Variants in NBPF15 observed in about 807,000 individuals in gnomAD.
NBPF15 encodes the protein NBPF member 15, also known as NBPF family member NBPF15.
A neutral mutation model predicts 62.2 loss-of-function variants in NBPF15; 74 were observed. The ratio of observed to expected loss-of-function variants is 1.19; its 90% confidence interval spans 0.99 to 1.44. The LOEUF is 1.44. NBPF15 is among the 40% of genes most tolerant of loss of function. The pLI is 0.00. For missense variants in NBPF15, 790 were observed against 550.0 expected, an observed-to-expected ratio of 1.44 and a Z score of -4.36; for synonymous variants, 244 against 209.7, an observed-to-expected ratio of 1.16 and a Z score of -1.41.
intron 6 of NBPF15, among the ~76,000 whole-genome samples, chr1:144,443,175 T>C (rs1201333824): frequency 5.3e-5 from 8 of 151,822 alleles, no homozygotes; most frequent in African/African-American, 1.7e-4. Flanking sequence ...CCCCCACCCA[T>C]ACCCCTCCTG....
intron 17 of NBPF15, 58 bp from the exon 18 acceptor site, chr1:144,426,508 C>A (rs1213600765): frequency 2.7e-5 from 21 of 783,490 alleles, no homozygotes; most frequent in Non-Finnish European, 4.0e-5. Flanking sequence ...CCACACAGCC[C>A]CAGCTAGATT....
Position 144,456,985 on chromosome 1 carries a change from C to T in NBPF15, c.-700-180G>A, listed in dbSNP as rs1363986033. 4.0e-5 allele frequency among the ~76,000 whole-genome samples: 6 copies of T among 150,346 alleles called. No individual in the cohort carries two copies. The South Asian group carries it at 6.4e-4, about 16-fold the overall frequency. On this transcript the variant is annotated intron_variant, in intron 3 of 21. Transcript: ENST00000581897. Reference sequence around the variant, plus strand: ...TGTAATCAACAGTCCTCACCAGCCTCGGCAACATAGTAAGACCCCATCTCT... The same window carrying T: ...TGTAATCAACAGTCCTCACCAGCCTTGGCAACATAGTAAGACCCCATCTCT...
At chr1:144,440,660 T>A (rs1223480335) in intron 6 of NBPF15, 2 of 157,834 alleles carry the variant, frequency 1.3e-5, no homozygotes, top group Non-Finnish European at 2.7e-5. Context: ...TTTTTTTTTT[T>A]TTTTTTGTTT....
intron 3 of NBPF15, among the ~76,000 whole-genome samples, chr1:144,457,423 A>G (rs1648840768): frequency 6.6e-6 from 1 of 151,968 alleles, no homozygotes; most frequent in Non-Finnish European, 1.5e-5. Flanking sequence ...AGCAACACAT[A>G]CAAAGGTTTA....
At chr1:144,432,489 C>T (rs1405414124) in intron 13 of NBPF15, among the ~76,000 whole-genome samples, 1 of 151,756 alleles carries the variant, frequency 6.6e-6, no homozygotes, top group Non-Finnish European at 1.5e-5. Flanking sequence ...GGGCTAAATG[C>T]CCCAGTTAAA....
At position 144,422,773 on chromosome 1, in the gene NBPF15, G is replaced by C. The variant is rs1666609318; in HGVS notation, c.*240C>G. 6.3e-6 allele frequency: 6 copies of C among 954,504 alleles called. No homozygotes were observed. The highest frequency in any genetic ancestry group is 2.6e-5 in the East Asian group (1 of 39,098). 59.1% of individuals were successfully genotyped at this position (954,504 alleles called of 1,614,324 possible). On this transcript the variant is annotated 3_prime_UTR_variant, in exon 22 of 22. Coordinates refer to ENST00000581897, the MANE Select transcript of NBPF15 (RefSeq NM_001385408.1). ...ATACGTGGTTCAAATTAAAATGTCT[G>C]ACTGATCACTCCCGGCATGTTCTGC...
chr1:144,424,364 A>T (rs1401789291), intron 20 of NBPF15, among the ~76,000 whole-genome samples: 1 of 151,640 alleles, frequency 6.6e-6, no homozygotes, highest in Non-Finnish European at 1.5e-5. Flanking sequence ...AGACACTGAA[A>T]TTAGAGTGAA....
chr1:144,422,873 T>C lies in NBPF15; in HGVS notation c.*140A>G. On this transcript the variant is annotated 3_prime_UTR_variant, in exon 22 of 22. Transcript: ENST00000581897. ...TGAGCACAGGTTGCCAATGGCATGG[T>C]TTGAGAATAGGAATAGAGCCATGCT... 6.3e-7 allele frequency: 1 copy of C among 1,584,194 alleles called. No individual in the cohort carries two copies. Among genetic ancestry groups the C allele is most frequent in the East Asian group, 2.2e-5 (1 of 44,720 alleles).
At chr1:144,436,194 C>G (rs1240745281) in intron 10 of NBPF15, among the ~76,000 whole-genome samples, 2 of 152,086 alleles carry the variant, frequency 1.3e-5, no homozygotes, top group Admixed American at 6.6e-5. Flanking sequence ...TGTCCCGTCA[C>G]AGTTTGCATT....
At chr1:144,450,556 ACT>A (rs1690432421) in intron 5 of NBPF15, among the ~76,000 whole-genome samples, 2 of 150,072 alleles carry the variant, frequency 1.3e-5, no homozygotes, top group South Asian at 4.2e-4. Context: ...GCCTCACATG[ACT>A]CTGATCAGAG....
Position 144,437,938 on chromosome 1 carries a change from C to A in NBPF15, c.278+7G>T, listed in dbSNP as rs1679842156. 1 of 1,611,664 alleles carries A rather than the reference C, an allele frequency of 6.2e-7. No homozygotes were observed. On this transcript the variant is annotated splice_region_variant and intron_variant, in intron 9 of 21. Transcript: ENST00000581897. ...CCCCCCTGCCTGCCCCCATGGGGTC[C>A]CCTCACCTGAGCTCCTCAGCTTGCT...
intron 4 of NBPF15, among the ~76,000 whole-genome samples, chr1:144,451,427 C>T (rs1226666686): frequency 2.6e-5 from 4 of 151,066 alleles, no homozygotes; most frequent in African/African-American, 9.7e-5. Flanking sequence ...TTTACTAATC[C>T]TCCTCAGCAC....
chr1:144,432,922 C>A (rs1675550559), intron 13 of NBPF15, among the ~76,000 whole-genome samples: 4 of 151,440 alleles, frequency 2.6e-5, no homozygotes, highest in African/African-American at 7.3e-5. Flanking sequence ...CAAGGATATC[C>A]AGGACTTGAA....
rs1177049303 is a variant in NBPF15 at position 144,439,923 on chromosome 1, C to T, written c.81G>A (p.Gln27=). ...TGAACTGCTGTTTCTTCTCTGCCAACTGGGGGCGCAATTTCTCATTGATTT... is the reference window on the plus strand; with the variant it reads ...TGAACTGCTGTTTCTTCTCTGCCAATTGGGGGCGCAATTTCTCATTGATTT... ...ILEINEKLRP[Q]LAEKKQQFRN... The change falls in exon 8 of 22, where the codon CAG becomes CAA. Residue 27 remains glutamine (Q), a synonymous_variant. Transcript: ENST00000581897. The T allele has an allele frequency of 5.6e-6, 9 of 1,611,458 alleles. 1 individual carries two copies. The South Asian group carries it at 6.6e-5, about 12-fold the overall frequency.
intron 16 of NBPF15, among the ~76,000 whole-genome samples, chr1:144,427,544 G>T (rs1420018885): frequency 8.8e-5 from 13 of 147,770 alleles, no homozygotes; most frequent in Non-Finnish European, 4.5e-5. Context: ...TCAGAGTTGT[G>T]TGAATTTGTC....
At chr1:144,428,786 A>G (rs1387616046) in intron 14 of NBPF15, 129 bp from the exon 15 acceptor site, 3 of 608,676 alleles carry the variant, frequency 4.9e-6, no homozygotes, top group Admixed American at 5.8e-5. Flanking sequence ...CTTTGAGAGA[A>G]ATATTCCAGT....
chr1:144,422,853 A>G lies in NBPF15; in HGVS notation c.*160T>C, dbSNP rs1666648788. ...TGGGTCCATTGTCTTCAGATTGAGC[A>G]CAGGTTGCCAATGGCATGGTTTGAG... On this transcript the variant is annotated 3_prime_UTR_variant, in exon 22 of 22. Transcript: ENST00000581897. The G allele has an allele frequency of 1.3e-6, 2 of 1,554,410 alleles. No homozygotes were observed. The highest frequency in any genetic ancestry group is 2.2e-5 in the East Asian group (1 of 44,578).
At chr1:144,453,593 C>T (rs1328519617) in intron 4 of NBPF15, among the ~76,000 whole-genome samples, 1 of 138,596 alleles carries the variant, frequency 7.2e-6, no homozygotes, top group African/African-American at 2.6e-5. Context: ...GGAAAAACTG[C>T]TGTCCAAAAT....
At position 144,422,809 on chromosome 1, in the gene NBPF15, G is replaced by A. The variant is rs1666625500; in HGVS notation, c.*204C>T. ...CCCGGCATGTTCTGCACAGTTATGTGAACGTGTCACACCTAACATGGGTCC... is the reference window on the plus strand; with the variant it reads ...CCCGGCATGTTCTGCACAGTTATGTAAACGTGTCACACCTAACATGGGTCC... On this transcript the variant is annotated 3_prime_UTR_variant, in exon 22 of 22. Transcript: ENST00000581897. 1.2e-5 allele frequency: 16 copies of A among 1,303,506 alleles called. No individual in the cohort carries two copies. The South Asian group carries it at 2.1e-4, about 17-fold the overall frequency. The allele number at this position is 1,303,506 out of a possible 1,614,324, so 80.7% of individuals were successfully genotyped here. A position where few individuals can be genotyped will look rare whatever the true frequency, so the allele number is the denominator to read the frequency against.
Sources: allele counts gnomAD v4.1 joint callset (sites outside exome capture counted in the v4.1 genomes callset), GRCh38; gene constraint gnomAD v4.1.1; transcripts MANE v1.5; gene names NCBI Gene and HGNC (gene_info 2026-07-23, HGNC 2026-07-21).